Variants in GALNTL6 observed in about 807,000 individuals in gnomAD.
GALNTL6 encodes the protein polypeptide N-acetylgalactosaminyltransferase-like 6.
In GALNTL6, 46 loss-of-function variants were observed where a neutral mutation model predicts 73.7. The observed-to-expected ratio is 0.62, with a 90% confidence interval of 0.49 to 0.80. The LOEUF (loss-of-function observed/expected upper bound fraction) is 0.80. GALNTL6 is among the 30% of genes least tolerant of loss of function. The pLI is 0.00. For synonymous variants in GALNTL6, 259 were observed against 263.7 expected, an observed-to-expected ratio of 0.98 and a Z score of 0.17; for missense variants, 604 against 755.0, an observed-to-expected ratio of 0.80 and a Z score of 2.34.
At chr4:172,996,064 G>A (rs1751763994) in intron 10 of GALNTL6, among the ~76,000 whole-genome samples, 3 of 152,042 alleles carry the variant, frequency 2.0e-5, no homozygotes, top group Admixed American at 2.0e-4. Context: ...CCAGTAATAG[G>A]ACAAATGCAT....
At chr4:172,756,495 A>T (rs1737758593) in intron 5 of GALNTL6, among the ~76,000 whole-genome samples, 1 of 152,072 alleles carries the variant, frequency 6.6e-6, no homozygotes, top group East Asian at 1.9e-4. Flanking sequence ...AATACAAAAA[A>T]TTAGTGGGGC....
At chr4:172,336,265 G>GTTTTT (rs1453823455) in intron 4 of GALNTL6, among the ~76,000 whole-genome samples, 1 of 25,692 alleles carries the variant, frequency 3.9e-5, no homozygotes, top group African/African-American at 9.6e-5. Context: ...TCTTGGTATA[G>GTTTTT]TTTTGTTTTG....
chr4:172,320,516 G>T (rs967770168), intron 4 of GALNTL6, among the ~76,000 whole-genome samples: 4 of 152,200 alleles, frequency 2.6e-5, no homozygotes, highest in Non-Finnish European at 4.4e-5. Context: ...AAAAGTAATT[G>T]TACGGTGGTG....
intron 7 of GALNTL6, among the ~76,000 whole-genome samples, chr4:172,876,499 A>G (rs1745200842): frequency 6.6e-6 from 1 of 152,138 alleles, no homozygotes; most frequent in African/African-American, 2.4e-5. Context: ...GAAGCTCTGA[A>G]ATCCAGTAAA....
chr4:172,269,076 C>T (rs1001531526), intron 3 of GALNTL6, among the ~76,000 whole-genome samples: 9 of 151,996 alleles, frequency 5.9e-5, no homozygotes, highest in East Asian at 1.9e-4. Context: ...GTGGGTGCTC[C>T]GCCATGGCCA....
chr4:171,881,809 T>G (rs2110912680), intron 2 of GALNTL6, among the ~76,000 whole-genome samples: 1 of 152,352 alleles, frequency 6.6e-6, no homozygotes, highest in East Asian at 1.9e-4. Flanking sequence ...ACCTTCATGG[T>G]TTCACCTTAG....
chr4:172,386,719 C>A (rs1743485221), intron 5 of GALNTL6, among the ~76,000 whole-genome samples: 1 of 152,090 alleles, frequency 6.6e-6, no homozygotes. Flanking sequence ...ATCTGGAGTT[C>A]TGACATCCAC....
intron 5 of GALNTL6, among the ~76,000 whole-genome samples, chr4:172,730,971 T>C (rs1736111644): frequency 6.6e-6 from 1 of 151,882 alleles, no homozygotes; most frequent in Non-Finnish European, 1.5e-5. Flanking sequence ...TCCCAGCTAC[T>C]TGGGAGGCTG....
At chr4:171,874,696 G>A (rs1182761080) in intron 2 of GALNTL6, among the ~76,000 whole-genome samples, 5 of 152,276 alleles carry the variant, frequency 3.3e-5, no homozygotes, top group South Asian at 2.1e-4. Context: ...GTCCTAGAAC[G>A]AAAGGAGCTG....
At chr4:172,096,577 T>G (rs1732365647) in intron 2 of GALNTL6, among the ~76,000 whole-genome samples, 1 of 152,164 alleles carries the variant, frequency 6.6e-6, no homozygotes, top group Non-Finnish European at 1.5e-5. Context: ...TTTGTTTATC[T>G]TATTTTAATT....
chr4:172,576,146 T>C (rs1320983034), intron 5 of GALNTL6, among the ~76,000 whole-genome samples: 1 of 152,208 alleles, frequency 6.6e-6, no homozygotes, highest in African/African-American at 2.4e-5. Context: ...AATTTTTAAC[T>C]ATGTTAAAGG....
intron 5 of GALNTL6, among the ~76,000 whole-genome samples, chr4:172,409,641 A>G (rs760562225): frequency 2.0e-5 from 3 of 152,078 alleles, no homozygotes; most frequent in Non-Finnish European, 2.9e-5. Context: ...AAAGGTTACT[A>G]TAAAATATAA....
At chr4:172,645,606 A>C (rs971513558) in intron 5 of GALNTL6, among the ~76,000 whole-genome samples, 2 of 151,976 alleles carry the variant, frequency 1.3e-5, no homozygotes, top group African/African-American at 4.8e-5. Context: ...TCTCATCACT[A>C]GGTTTGTGAT....
chr4:172,286,791 G>A (rs972464375), intron 3 of GALNTL6, among the ~76,000 whole-genome samples: 4 of 152,088 alleles, frequency 2.6e-5, no homozygotes, highest in African/African-American at 4.8e-5. Context: ...TTCATAACTG[G>A]GACTAGGAAA....
intron 5 of GALNTL6, among the ~76,000 whole-genome samples, chr4:172,538,516 G>A (rs1054542824): frequency 6.6e-6 from 1 of 151,840 alleles, no homozygotes; most frequent in Non-Finnish European, 1.5e-5. Context: ...ATGAGAAGAG[G>A]CCACTTTCCC....
chr4:171,901,732 T>C lies in GALNTL6; in HGVS notation c.138+87014T>C, dbSNP rs1008235585. Among the ~76,000 whole-genome samples the C allele has an allele frequency of 1.3e-5, 2 of 152,242 alleles. 1 individual carries two copies. The highest frequency in any genetic ancestry group is 2.9e-5 in the Non-Finnish European group (2 of 68,046). On this transcript the variant is annotated intron_variant, in intron 2 of 12. Coordinates refer to ENST00000506823, the MANE Select transcript of GALNTL6 (RefSeq NM_001034845.3). The stretch of plus-strand genomic sequence containing the variant: ...GTTTTACAATTCTAAACTGGATTTT[T>C]AAAAGTGTTTAGGAAGTTGTAAAAT...
intron 12 of GALNTL6, among the ~76,000 whole-genome samples, chr4:173,037,767 G>C (rs1753753415): frequency 6.6e-6 from 1 of 151,152 alleles, no homozygotes; most frequent in African/African-American, 2.4e-5. Context: ...TTTTGAGACA[G>C]AGTCTTGCTC....
intron 5 of GALNTL6, among the ~76,000 whole-genome samples, chr4:172,803,549 G>T (rs1434871728): frequency 6.6e-6 from 1 of 152,150 alleles, no homozygotes; most frequent in Non-Finnish European, 1.5e-5. Context: ...CAGATTCAAT[G>T]CATTTGACAA....
chr4:172,373,142 C>T (rs1579006585), intron 5 of GALNTL6, among the ~76,000 whole-genome samples: 2 of 152,296 alleles, frequency 1.3e-5, no homozygotes, highest in South Asian at 2.1e-4. Flanking sequence ...TGGGCCAGTG[C>T]CTGACCAAAC....
Sources: allele counts gnomAD v4.1 joint callset (sites outside exome capture counted in the v4.1 genomes callset), GRCh38; gene constraint gnomAD v4.1.1; transcripts MANE v1.5; gene names NCBI Gene and HGNC (gene_info 2026-07-23, HGNC 2026-07-21).